The following KIAA0753 variants were observed in gnomAD, a reference collection of about 807,000 sequenced individuals.
KIAA0753 encodes protein moonraker.
In KIAA0753, 114 loss-of-function variants were observed where a neutral mutation model predicts 116.9. The ratio of observed to expected loss-of-function variants is 0.98; its 90% confidence interval spans 0.84 to 1.14. KIAA0753 has a LOEUF of 1.14. Among genes scored for constraint, KIAA0753 ranks in the 50% most tolerant of loss-of-function variants. The pLI is 0.00. For missense variants in KIAA0753, 1,156 were observed against 1,172.4 expected, an observed-to-expected ratio of 0.99 and a Z score of 0.20; for synonymous variants, 405 against 413.1, an observed-to-expected ratio of 0.98 and a Z score of 0.24.
intron 17 of KIAA0753, among the ~76,000 whole-genome samples, 181 bp from the exon 18 acceptor site, chr17:6,590,184 C>CA (rs1397898090): frequency 6.6e-6 from 1 of 152,210 alleles, no homozygotes; most frequent in Non-Finnish European, 1.5e-5. Flanking sequence ...CAACCCTCAA[C>CA]ATGTGGGACT....
chr17:6,621,757 T>C (rs4796529), intron 6 of KIAA0753, among the ~76,000 whole-genome samples: 49,602 of 152,078 alleles, frequency 0.33, 8,545 homozygotes, highest in Admixed American at 0.4. Context: ...ACTAGAGAGT[T>C]TCTTCAGATC....
chr17:6,598,892 C>T (rs1166954340), intron 14 of KIAA0753, among the ~76,000 whole-genome samples: 3 of 152,130 alleles, frequency 2.0e-5, no homozygotes, highest in Admixed American at 1.3e-4. Flanking sequence ...ATGAGTGAAA[C>T]TAGGCTGAAT....
At chr17:6,623,759 T>C (rs976291125) in intron 4 of KIAA0753, 188 bp from the exon 5 acceptor site, 16 of 709,048 alleles carry the variant, frequency 2.3e-5, no homozygotes, top group Non-Finnish European at 1.9e-5. Context: ...TTCAAGATAG[T>C]GAATAGGCAG....
At chr17:6,599,150 T>G in intron 14 of KIAA0753, 87 bp downstream of exon 14, 1 of 925,434 alleles carries the variant, frequency 1.1e-6, no homozygotes, top group South Asian at 1.4e-5. Context: ...ATCTAGTGTT[T>G]GCAAAGTAAT....
intron 7 of KIAA0753, among the ~76,000 whole-genome samples, chr17:6,614,008 CAAAT>C (rs1456285214): frequency 3.7e-4 from 57 of 152,142 alleles, no homozygotes; most frequent in African/African-American, 1.3e-3. Context: ...AACTATAAGA[CAAAT>C]AAACAATCCA....
At chr17:6,605,402 T>A (rs1048481188) in intron 12 of KIAA0753, among the ~76,000 whole-genome samples, 2 of 152,182 alleles carry the variant, frequency 1.3e-5, no homozygotes, top group African/African-American at 4.8e-5. Context: ...GCCCTCCAGA[T>A]GGAGGACGCC....
rs558239365 is a variant in KIAA0753 at position 6,623,105 on chromosome 17, T to C, written c.889-8A>G. 29 of 1,608,214 alleles carry C rather than the reference T, an allele frequency of 1.8e-5. No homozygotes were observed. In the African/African-American group the frequency reaches 3.3e-4, roughly 19 times the overall value. The stretch of plus-strand genomic sequence containing the variant: ...CTTAGACATTGCCCATGACTGGTAA[T>C]AAACAAGATGAGAGAAGTTATTTCC... On this transcript the variant is annotated splice_polypyrimidine_tract_variant and splice_region_variant and intron_variant, in intron 5 of 18. Transcript: ENST00000361413.
chr17:6,588,474 T>A (rs1968745285), intron 18 of KIAA0753, among the ~76,000 whole-genome samples: 1 of 151,898 alleles, frequency 6.6e-6, no homozygotes. Context: ...TGGACTCAGG[T>A]AGGAGGAAAA....
rs117540551 is a variant in KIAA0753 at position 6,592,384 on chromosome 17, G to A, written c.2441-1754C>T. Among the ~76,000 whole-genome samples the A allele has an allele frequency of 1.1e-3, 167 of 152,198 alleles. 3 individuals are homozygous for A. In the East Asian group the frequency reaches 0.016, roughly 15 times the overall value. On this transcript the variant is annotated intron_variant, in intron 16 of 18. Transcript: ENST00000361413. ...TCTTCATGAGGGTAGTACTCACGGC[G>A]CTTACATTCCTTAGAGGTAATGTTT...
At chr17:6,608,252 A>G in intron 10 of KIAA0753, 96 bp downstream of exon 10, 1 of 518,888 alleles carries the variant, frequency 1.9e-6, no homozygotes, top group Non-Finnish European at 3.4e-6. Flanking sequence ...TAAATAACCA[A>G]CTTTAAATGT....
At chr17:6,615,431 T>C (rs535745478) in intron 7 of KIAA0753, among the ~76,000 whole-genome samples, 1 of 151,798 alleles carries the variant, frequency 6.6e-6, no homozygotes, top group East Asian at 2.0e-4. Flanking sequence ...AGCTGGAAAA[T>C]GTCCCCTTTA....
intron 12 of KIAA0753, among the ~76,000 whole-genome samples, chr17:6,604,189 A>G (rs954052067): frequency 3.3e-5 from 5 of 152,202 alleles, no homozygotes; most frequent in African/African-American, 4.8e-5. Context: ...ACTTCTACAG[A>G]ACTGTTTATA....
chr17:6,599,494 TG>T (rs1969706937), intron 13 of KIAA0753, among the ~76,000 whole-genome samples, 174 bp from the exon 14 acceptor site: 1 of 150,708 alleles, frequency 6.6e-6, no homozygotes, highest in African/African-American at 2.4e-5. Flanking sequence ...TGCCATGTGT[TG>T]ATCTTGGCTT....
chr17:6,619,747 A>T (rs150529194), intron 7 of KIAA0753, among the ~76,000 whole-genome samples: 3,138 of 152,240 alleles, frequency 0.021, 104 homozygotes, highest in African/African-American at 0.07. Context: ...ACTTTAATTT[A>T]AAAAAAGAAA....
At position 6,607,284 on chromosome 17, in the gene KIAA0753, A is replaced by G; in HGVS notation, c.1830-14T>C. On this transcript the variant is annotated splice_polypyrimidine_tract_variant and intron_variant, in intron 10 of 18. Transcript: ENST00000361413. ...AGCCAAGCGAGCCTAGCAGACAGTC[A>G]AAAGAGTCAAACCAATTCTGCCTCG... 2 of 1,612,056 alleles carry G rather than the reference A, an allele frequency of 1.2e-6. No individual in the cohort carries two copies. The highest frequency in any genetic ancestry group is 1.3e-5 in the African/African-American group (1 of 75,002).
In KIAA0753 at chr17:6,640,675, A is replaced by C; in HGVS notation, c.-107T>G. On this transcript the variant is annotated 5_prime_UTR_variant, in exon 1 of 19. Transcript: ENST00000361413. ...AGGCGCGGCTACTGGGAGGCGGGCAACGGGGGCCCCCAACAAGGCCGCGCT... is the reference window on the plus strand; with the variant it reads ...AGGCGCGGCTACTGGGAGGCGGGCACCGGGGGCCCCCAACAAGGCCGCGCT... 2 of 157,554 alleles carry C rather than the reference A, an allele frequency of 1.3e-5. No individual in the cohort carries two copies. The highest frequency in any genetic ancestry group is 2.8e-5 in the Non-Finnish European group (2 of 71,010). The allele number at this position is 157,554 out of a possible 1,614,324, so 9.8% of individuals were successfully genotyped here.
intron 16 of KIAA0753, among the ~76,000 whole-genome samples, chr17:6,591,040 G>GGAAGAAGAAGAAGAAGAAGAA (rs71157205): frequency 3.0e-5 from 3 of 100,058 alleles, no homozygotes; most frequent in South Asian, 6.9e-4. Context: ...GAAGGAAGAA[G>GGAAGAAGAAGAAGAAGAAGAA]GAAGAAGAAG....
rs1967902228 is a variant in KIAA0753 at position 6,578,193 on chromosome 17, CGGGGGGAA to C, written c.*1546_*1553del. The C allele has an allele frequency of 6.6e-6, 1 of 151,324 alleles. No individual in the cohort carries two copies. The allele number at this position is 151,324 out of a possible 1,614,324, so 9.4% of individuals were successfully genotyped here. A position where few individuals can be genotyped will look rare whatever the true frequency, so the allele number is the denominator to read the frequency against. On this transcript the variant is annotated 3_prime_UTR_variant, in exon 19 of 19. Transcript: ENST00000361413. ...CTTTTATTGTCACTAATTTTTTTCT[CGGGGGGAA>C]GGGGTGGCAAATAATCCACTATAGT...
chr17:6,629,832 A>G (rs1006338430), intron 2 of KIAA0753, among the ~76,000 whole-genome samples: 1 of 152,228 alleles, frequency 6.6e-6, no homozygotes, highest in Admixed American at 6.5e-5. Flanking sequence ...GTAGTTAGAA[A>G]GCTCACTAAA....
Sources: allele counts gnomAD v4.1 joint callset (sites outside exome capture counted in the v4.1 genomes callset), GRCh38; gene constraint gnomAD v4.1.1; transcripts MANE v1.5; gene names NCBI Gene and HGNC (gene_info 2026-07-23, HGNC 2026-07-21).